Variants in TNIK observed in about 807,000 individuals in gnomAD.
TNIK encodes TRAF2 and NCK interacting kinase, also known as TRAF2 and NCK-interacting protein kinase.
TNIK carries 49 observed loss-of-function variants against 191.3 expected under a neutral mutation model. The ratio of observed to expected loss-of-function variants is 0.26; its 90% CI spans 0.20 to 0.32. The LOEUF is 0.32. Ranked by LOEUF, TNIK falls within the 10% of genes least tolerant of loss-of-function variation. TNIK has a pLI of 1.00. For synonymous variants in TNIK, 594 were observed against 600.9 expected (o/e 0.99, Z 0.17); for missense variants, 1,155 against 1,702.3 (o/e 0.68, Z 5.66).
chr3:171,152,705 GAA>G (rs559952170), intron 12 of TNIK, among the ~76,000 whole-genome samples: 104 of 152,130 alleles, frequency 6.8e-4, no homozygotes, highest in African/African-American at 2.5e-3. Flanking sequence ...TCCCTTCCCA[GAA>G]AAGACAGGAA....
chr3:171,101,800 G>T, intron 21 of TNIK, 167 bp from the exon 22 acceptor site: 2 of 645,170 alleles, frequency 3.1e-6, no homozygotes, highest in Non-Finnish European at 5.1e-6. Context: ...TTTGTAGCGT[G>T]TAGAAGCTAG....
chr3:171,344,363 C>T (rs1254546744), intron 2 of TNIK, among the ~76,000 whole-genome samples: 1 of 152,128 alleles, frequency 6.6e-6, no homozygotes, highest in Non-Finnish European at 1.5e-5. Flanking sequence ...TGAACAACCA[C>T]AAGAAAGTCT....
chr3:171,444,616 A>G (rs1727253498), intron 1 of TNIK, among the ~76,000 whole-genome samples: 1 of 152,068 alleles, frequency 6.6e-6, no homozygotes, highest in South Asian at 2.1e-4. Flanking sequence ...AATGCAAAGA[A>G]CAATGCAAAG....
At position 171,350,595 on chromosome 3, in the gene TNIK, T is replaced by TTAAA. The variant is rs1237168531; in HGVS notation, c.123+19024_123+19025insTTTA. Among the ~76,000 whole-genome samples, 125 of 98,008 alleles carry TTAAA rather than the reference T, an allele frequency of 1.3e-3. 2 individuals are homozygous for TTAAA. Among genetic ancestry groups the TTAAA allele is most frequent in the African/African-American group, 5.2e-3 (118 of 22,674 alleles). 64.3% of individuals were successfully genotyped at this position (98,008 alleles called of 152,430 possible). Reference sequence around the variant, plus strand: ...TATAACAAGTTTAAAGCTCTGTTGCTAAAAAAAAAAAAAAAAAAAAAAATG... The same window carrying TTAAA: ...TATAACAAGTTTAAAGCTCTGTTGCTTAAAAAAAAAAAAAAAAAAAAAAAAAATG... On this transcript the variant is annotated intron_variant, in intron 2 of 32. Transcript: ENST00000436636.
At chr3:171,285,440 T>C (rs1203326697) in intron 2 of TNIK, among the ~76,000 whole-genome samples, 2 of 152,062 alleles carry the variant, frequency 1.3e-5, no homozygotes, top group Non-Finnish European at 2.9e-5. Context: ...TGTGGTAGAG[T>C]GGAAACTGAT....
intron 1 of TNIK, among the ~76,000 whole-genome samples, chr3:171,400,369 A>T (rs1720770020): frequency 6.6e-6 from 1 of 152,074 alleles, no homozygotes; most frequent in South Asian, 2.1e-4. Context: ...GTTTGAGACC[A>T]GCCGAGGCAG....
chr3:171,085,339 C>G, intron 24 of TNIK, 110 bp from the exon 25 acceptor site: 1 of 1,027,222 alleles, frequency 9.7e-7, no homozygotes, highest in Non-Finnish European at 1.4e-6. Flanking sequence ...TCAAGGTATT[C>G]AGGTGTTCAC....
rs116325463 is a variant in TNIK at position 171,405,046 on chromosome 3, G to C, written c.58-35361C>G. ...CTGAGGGTTTTACACAGGTTAGCTT[G>C]TGTGGTCTTCCCAATAGTTCTTCTA... On this transcript the variant is annotated intron_variant, in intron 1 of 32. Transcript: ENST00000436636. Among the ~76,000 whole-genome samples the C allele has an allele frequency of 3.3e-3, 507 of 152,278 alleles. 2 individuals are homozygous for C. The highest frequency in any genetic ancestry group is 0.012 in the African/African-American group (487 of 41,562).
chr3:171,128,613 G>A, intron 16 of TNIK, 101 bp downstream of exon 16: 2 of 1,375,358 alleles, frequency 1.5e-6, no homozygotes, highest in Admixed American at 2.7e-5. Flanking sequence ...GTCATAATTT[G>A]ATCCTGTGCC....
intron 7 of TNIK, among the ~76,000 whole-genome samples, chr3:171,182,898 C>T (rs1430682572): frequency 6.6e-6 from 1 of 152,116 alleles, no homozygotes; most frequent in Non-Finnish European, 1.5e-5. Context: ...AACTCTGAGC[C>T]CATGAAAAGA....
chr3:171,279,017 A>G (rs1369678131), intron 2 of TNIK, among the ~76,000 whole-genome samples: 1 of 152,202 alleles, frequency 6.6e-6, no homozygotes, highest in Admixed American at 6.5e-5. Flanking sequence ...GAAGCATTAC[A>G]CAATTCTTCT....
intron 1 of TNIK, among the ~76,000 whole-genome samples, chr3:171,435,005 G>A (rs1395982664): frequency 6.6e-6 from 1 of 152,158 alleles, no homozygotes; most frequent in Non-Finnish European, 1.5e-5. Context: ...ACTGGAGTCA[G>A]GCCAGTTCCA....
rs569192908 is a variant in TNIK, at chr3:171,231,317, GTTTTT to G, written c.124-3101_124-3097del. On this transcript the variant is annotated intron_variant, in intron 2 of 32. Coordinates refer to ENST00000436636, the MANE Select transcript of TNIK (RefSeq NM_015028.4). ...TTTGTTTTGTTGTTGTTGTTGTTTT[GTTTTT>G]TTTTTTGTTTTTTTAAGTAGCCACT... is the stretch of plus-strand genomic sequence containing the variant. 2.1e-5 allele frequency among the ~76,000 whole-genome samples: 3 copies of G among 139,958 alleles called. No homozygotes were observed. The East Asian group carries it at 6.2e-4, about 29-fold the overall frequency. The allele number at this position is 139,958 out of a possible 152,430, so 91.8% of individuals were successfully genotyped here. A position where few individuals can be genotyped will look rare whatever the true frequency, so the allele number is the denominator to read the frequency against.
At chr3:171,091,988 C>T (rs986250568) in intron 23 of TNIK, among the ~76,000 whole-genome samples, 33 of 150,278 alleles carry the variant, frequency 2.2e-4, no homozygotes, top group South Asian at 8.4e-4. Context: ...CTCGTTCTGT[C>T]GCCCAGGCTG....
At chr3:171,211,959 G>A (rs1302559759) in intron 3 of TNIK, among the ~76,000 whole-genome samples, 1 of 152,160 alleles carries the variant, frequency 6.6e-6, no homozygotes, top group African/African-American at 2.4e-5. Flanking sequence ...AGAGGTCCTG[G>A]CAGTGCTGGT....
intron 2 of TNIK, among the ~76,000 whole-genome samples, chr3:171,241,445 C>T (rs2109039935): frequency 6.6e-6 from 1 of 152,292 alleles, no homozygotes; most frequent in African/African-American, 2.4e-5. Context: ...ATTTTCCTTT[C>T]ATATTGGCCT....
intron 1 of TNIK, among the ~76,000 whole-genome samples, chr3:171,454,984 T>A (rs896244108): frequency 3.3e-5 from 5 of 152,182 alleles, no homozygotes; most frequent in Admixed American, 1.3e-4. Flanking sequence ...AAACTTTTTT[T>A]AAAAAAGAAG....
At position 171,139,461 on chromosome 3, in the gene TNIK, T is replaced by C. The variant is rs561426124; in HGVS notation, c.1419+9A>G. The C allele has an allele frequency of 6.8e-6, 11 of 1,612,648 alleles. No individual in the cohort carries two copies. In the South Asian group the frequency reaches 1.2e-4, roughly 18 times the overall value. ...GAGCAGGTCAGCTGGTTCTTGGCTTTCTCATTACCAGAAGTAGAGCTTGTT... is the reference window on the plus strand; with the variant it reads ...GAGCAGGTCAGCTGGTTCTTGGCTTCCTCATTACCAGAAGTAGAGCTTGTT... On this transcript the variant is annotated intron_variant, in intron 14 of 32. Coordinates refer to ENST00000436636, the MANE Select transcript of TNIK (RefSeq NM_015028.4).
At chr3:171,267,019 A>G (rs4894672) in intron 2 of TNIK, among the ~76,000 whole-genome samples, 40,608 of 152,110 alleles carry the variant, frequency 0.27, 5,651 homozygotes, top group African/African-American at 0.3. Flanking sequence ...CAGCATTATA[A>G]ATTTTTTCCT....
Sources: gnomAD v4.1 joint callset for allele counts (sites outside exome capture counted in the v4.1 genomes callset) on GRCh38, gnomAD v4.1.1 for gene constraint, MANE v1.5 for transcripts, NCBI Gene and HGNC (gene_info 2026-07-23, HGNC 2026-07-21) for gene names.